KIF1C: variants seen among roughly 807,000 people sequenced by gnomAD.
The protein encoded by KIF1C is kinesin family member 1C.
In KIF1C, 61 loss-of-function variants were observed where a neutral mutation model predicts 126.5. That is an observed-to-expected ratio of 0.48 (90% CI 0.39 to 0.60). KIF1C has a LOEUF of 0.60. Ranked by LOEUF, KIF1C falls within the 20% of genes least tolerant of loss-of-function variation. The pLI, the probability that KIF1C is intolerant of heterozygous loss-of-function variation, is 0.00. For synonymous variants in KIF1C, 640 were observed against 580.6 expected (o/e 1.10, Z -1.47); for missense variants, 1,315 against 1,489.2 (o/e 0.88, Z 1.93).
chr17:5,009,542 A>G (rs1974813798), intron 16 of KIF1C, among the ~76,000 whole-genome samples: 1 of 151,724 alleles, frequency 6.6e-6, no homozygotes, highest in Non-Finnish European at 1.5e-5. Context: ...TAATCCTAGC[A>G]CTTTGGGAGG....
chr17:5,000,649 G>C, intron 3 of KIF1C, 123 bp from the exon 4 acceptor site: 1 of 924,334 alleles, frequency 1.1e-6, no homozygotes, highest in East Asian at 2.4e-5. Context: ...TTAAAGGGGA[G>C]AGAAGAGTCA....
chr17:5,000,116 C>CA, intron 2 of KIF1C, 104 bp from the exon 3 acceptor site: 1 of 657,832 alleles, frequency 1.5e-6, no homozygotes, highest in South Asian at 1.8e-5. Flanking sequence ...GGCTGGGTGG[C>CA]TCTGGGGGAG....
intron 6 of KIF1C, 93 bp from the exon 7 acceptor site, chr17:5,002,371 A>G: frequency 8.1e-7 from 1 of 1,227,342 alleles, no homozygotes; most frequent in Non-Finnish European, 1.2e-6. Context: ...TATTAGCTGC[A>G]GTCACCTGGA....
At chr17:5,009,151 A>C (rs1974802984) in intron 16 of KIF1C, among the ~76,000 whole-genome samples, 1 of 150,278 alleles carries the variant, frequency 6.7e-6, no homozygotes, top group Non-Finnish European at 1.5e-5. Context: ...TCCCACCCTT[A>C]AGTTTCCCCT....
At position 5,022,737 on chromosome 17, in the gene KIF1C, C is replaced by T. The variant is rs775399890; in HGVS notation, c.2628+28C>T. Reference sequence around the variant, plus strand: ...AGGACTGGCCTTCTGCCTCCCTTCTCTCCTCCCTCGGCTCTTCACTTTAGG... The same window carrying T: ...AGGACTGGCCTTCTGCCTCCCTTCTTTCCTCCCTCGGCTCTTCACTTTAGG... On this transcript the variant is annotated intron_variant, in intron 22 of 22. Coordinates refer to ENST00000320785, the MANE Select transcript of KIF1C (RefSeq NM_006612.6). This position sits in a 1 kb window ranked among gnomAD's most constrained non-coding sequence, Gnocchi z 4.9. 2.7e-6 allele frequency: 4 copies of T among 1,494,784 alleles called. No homozygotes were observed. Among genetic ancestry groups the T allele is most frequent in the Non-Finnish European group, 3.5e-6 (4 of 1,127,286 alleles). The allele number at this position is 1,494,784 out of a possible 1,614,324, so 92.6% of individuals were successfully genotyped here. A position where few individuals can be genotyped will look rare whatever the true frequency, so the allele number is the denominator to read the frequency against.
chr17:5,001,379 G>T lies in KIF1C; in HGVS notation c.341G>T (p.Gly114Val). Residue 114 changes from glycine to valine, a missense_variant, in exon 5 of 23, where the codon GGG (glycine) becomes GTG (valine). Around this residue, in one of 2 missense-constraint regions of KIF1C, gnomAD observed 874 missense variants for 1,053.2 expected, o/e 0.83. Transcript: ENST00000320785. Reference protein sequence around the residue: ...SYTMMGRQEPGQQGIVPQLCE... With the variant: ...SYTMMGRQEPVQQGIVPQLCE... ...ACCATGATGGGGCGACAGGAGCCAG[G>T]GCAGCAGGGCATCGTGCCCCAGGTA... is the stretch of plus-strand genomic sequence containing the variant. 6.2e-7 allele frequency: 1 copy of T among 1,614,048 alleles called. No homozygotes were observed. Among genetic ancestry groups the T allele is most frequent in the Non-Finnish European group, 8.5e-7 (1 of 1,179,938 alleles).
chr17:5,021,467 C>T (rs557427701), intron 21 of KIF1C, among the ~76,000 whole-genome samples: 110 of 152,212 alleles, frequency 7.2e-4, no homozygotes, highest in Non-Finnish European at 1.3e-3. Flanking sequence ...TGAGCCACCG[C>T]ACCCGGCCAT....
intron 4 of KIF1C, 117 bp from the exon 5 acceptor site, chr17:5,001,105 G>A: frequency 8.9e-7 from 1 of 1,119,356 alleles, no homozygotes; most frequent in South Asian, 1.4e-5. Flanking sequence ...AGGGTGGGAG[G>A]GCACACAGGA....
Position 5,020,536 on chromosome 17 carries a change from C to T in KIF1C, c.1795C>T (p.His599Tyr). Residue 599 changes from histidine (H) to tyrosine (Y), a missense_variant, in exon 20 of 23, where the codon CAC becomes TAC. Physicochemically the swap from His to Tyr is moderately conservative, Grantham distance 83. Coordinates refer to ENST00000320785, the MANE Select transcript of KIF1C (RefSeq NM_006612.6). This position sits in a 1 kb window ranked among gnomAD's most constrained non-coding sequence, Gnocchi z 5.8. ...MGKNHVFRFNHPEQARLERER... is the reference protein window; with the variant it reads ...MGKNHVFRFNYPEQARLERER... The stretch of plus-strand genomic sequence containing the variant: ...CAAGAACCACGTTTTCCGCTTCAAC[C>T]ACCCGGAGCAGGCAAGGCTGGAACG... 1 of 1,614,140 alleles carries T rather than the reference C, an allele frequency of 6.2e-7. No individual in the cohort carries two copies. The highest frequency in any genetic ancestry group is 8.5e-7 in the Non-Finnish European group (1 of 1,179,966).
chr17:5,000,172 G>C (rs1005702417), intron 2 of KIF1C, 48 bp from the exon 3 acceptor site: 10 of 1,049,200 alleles, frequency 9.5e-6, no homozygotes, highest in Non-Finnish European at 1.4e-5. Flanking sequence ...GCAATGTCTG[G>C]GTCCCTGCAG....
In KIF1C at chr17:5,025,983, C is replaced by A. The variant is rs955076482; in HGVS notation, c.*1832C>A. 2 of 152,198 alleles carry A rather than the reference C, an allele frequency of 1.3e-5. No individual in the cohort carries two copies. The highest frequency in any genetic ancestry group is 4.8e-5 in the African/African-American group (2 of 41,434). 9.4% of individuals were successfully genotyped at this position (152,198 alleles called of 1,614,324 possible). On this transcript the variant is annotated 3_prime_UTR_variant, in exon 23 of 23. Transcript: ENST00000320785. The stretch of plus-strand genomic sequence containing the variant: ...GGAGTCCCCACATTTTCATCCTGTT[C>A]TCAGGAAAACACTTTGACCCACTTG...
intron 18 of KIF1C, 36 bp from the exon 19 acceptor site, chr17:5,019,960 G>A (rs1182172346): frequency 2.7e-5 from 42 of 1,538,910 alleles, no homozygotes; most frequent in Non-Finnish European, 3.7e-5. Flanking sequence ...TTCCTCCAGG[G>A]TCTAATCTTT....
At position 5,026,740 on chromosome 17, in the gene KIF1C, C is replaced by CT. The variant is rs1975214253; in HGVS notation, c.*2589_*2590insT. The CT allele has an allele frequency of 9.1e-5, 9 of 99,022 alleles. No individual in the cohort carries two copies. The highest frequency in any genetic ancestry group is 2.5e-4 in the Admixed American group (2 of 8,004). The allele number at this position is 99,022 out of a possible 1,614,324, so 6.1% of individuals were successfully genotyped here. On this transcript the variant is annotated 3_prime_UTR_variant, in exon 23 of 23. Transcript: ENST00000320785. ...GGCCTGGGCAAGAGTGGGACTCTCTCAAAAAAAAAAAAAAAAAAAAATCCA... is the reference window on the plus strand; with the variant it reads ...GGCCTGGGCAAGAGTGGGACTCTCTCTAAAAAAAAAAAAAAAAAAAAATCCA...
chr17:5,015,743 G>A (rs558399890), intron 18 of KIF1C, among the ~76,000 whole-genome samples: 2 of 151,650 alleles, frequency 1.3e-5, no homozygotes, highest in East Asian at 2.0e-4. Flanking sequence ...TTACAGGCAC[G>A]CGCCACCACA....
Position 5,022,530 on chromosome 17 carries a change from A to G in KIF1C, c.2449A>G (p.Ser817Gly). The G allele has an allele frequency of 6.3e-7, 1 of 1,588,132 alleles. No homozygotes were observed. Among genetic ancestry groups the G allele is most frequent in the Non-Finnish European group, 8.6e-7 (1 of 1,166,482 alleles). Residue 817 changes from serine (S) to glycine (G), a missense_variant, in exon 22 of 23, where the codon AGT becomes GGT. This residue lies in a region of KIF1C where 441 missense variants were observed against 436.1 expected (regional missense o/e 1.01). Coordinates refer to ENST00000320785, the MANE Select transcript of KIF1C (RefSeq NM_006612.6). The surrounding 1 kb of genome is among the most constrained non-coding windows in gnomAD (Gnocchi z 4.9). ...VGEEEGGGAG[S>G]GGGSEEGARG... The stretch of plus-strand genomic sequence containing the variant: ...CGAGGAGGAAGGAGGTGGAGCTGGC[A>G]GTGGTGGTGGCAGTGAGGAGGGAGC...
In KIF1C at chr17:5,007,316, C is replaced by G; in HGVS notation, c.1389C>G (p.Arg463=). 3 of 1,613,356 alleles carry G rather than the reference C, an allele frequency of 1.9e-6. No individual in the cohort carries two copies. Among genetic ancestry groups the G allele is most frequent in the Non-Finnish European group, 1.7e-6 (2 of 1,179,666 alleles). The change falls in exon 15 of 23, where the codon CGC becomes CGG. Residue 463 remains arginine (R), a synonymous_variant. Transcript: ENST00000320785. ...ACGAGACATGGGAGGAGAAGCTACG[C>G]AAGACAGAAGCCCTGAGGATGGAGA... ...ELNETWEEKL[R]KTEALRMERE...
chr17:5,002,295 C>T (rs562065464), intron 6 of KIF1C, among the ~76,000 whole-genome samples, 169 bp from the exon 7 acceptor site: 45 of 152,270 alleles, frequency 3.0e-4, no homozygotes, highest in Non-Finnish European at 5.7e-4. Flanking sequence ...CGCTGTTGAT[C>T]GGACACACCT....
In KIF1C at chr17:5,023,063, G is replaced by A. The variant is rs1975127299; in HGVS notation, c.2628+354G>A. ...TGAAGTCTTGCTCTGTTGCCAGTCT[G>A]GAGTGCAGTGGCACAATCTCGGCTC... On this transcript the variant is annotated intron_variant, in intron 22 of 22. Transcript: ENST00000320785. This position sits in a 1 kb window ranked among gnomAD's most constrained non-coding sequence, Gnocchi z 4.2. 6.6e-6 allele frequency among the ~76,000 whole-genome samples: 1 copy of A among 152,208 alleles called. No homozygotes were observed. The highest frequency in any genetic ancestry group is 1.5e-5 in the Non-Finnish European group (1 of 68,046).
Position 5,004,053 on chromosome 17 carries a change from G to C in KIF1C, c.920G>C (p.Trp307Ser). Reference sequence around the variant, plus strand: ...CCCTACAGGGACTCTGTGCTCACCTGGCTGCTCAAGGAAAATTTGGGTGAG... The same window carrying C: ...CCCTACAGGGACTCTGTGCTCACCTCGCTGCTCAAGGAAAATTTGGGTGAG... ...FIPYRDSVLT[W>S]LLKENLGGNS... Residue 307 changes from tryptophan (W) to serine (S), a missense_variant, in exon 11 of 23, where the codon TGG (tryptophan) becomes TCG (serine). By Grantham distance (177) the Trp-to-Ser change is radical. This residue lies in a region of KIF1C where 874 missense variants were observed against 1,053.2 expected (regional missense o/e 0.83). Transcript: ENST00000320785. 1 of 1,613,782 alleles carries C rather than the reference G, an allele frequency of 6.2e-7. No individual in the cohort carries two copies. The highest frequency in any genetic ancestry group is 8.5e-7 in the Non-Finnish European group (1 of 1,179,826).
Sources: gnomAD v4.1 joint callset for allele counts (sites outside exome capture counted in the v4.1 genomes callset) on GRCh38, gnomAD v4.1.1 for gene constraint, gnomAD v4.1.1 regional missense constraint, Gnocchi (gnomAD v3.1) non-coding constraint, MANE v1.5 for transcripts, NCBI Gene and HGNC (gene_info 2026-07-23, HGNC 2026-07-21) for gene names.